The following KAZN variants were observed in gnomAD, a reference collection of about 807,000 sequenced individuals.
The protein encoded by KAZN is kazrin, periplakin interacting protein, also known as kazrin.
Under a neutral mutation model 87.4 loss-of-function variants are expected in KAZN, and 40 were observed. The observed-to-expected ratio is 0.46, with a 90% CI of 0.36 to 0.60. The LOEUF is 0.60. Among genes scored for constraint, KAZN ranks in the 20% least tolerant of loss-of-function variants. KAZN has a pLI of 0.00. For missense variants in KAZN, 898 were observed against 1,073.9 expected (o/e 0.84, Z 2.29); for synonymous variants, 466 against 458.3 (o/e 1.02, Z -0.22).
chr1:14,686,142 C>T (rs1221166116), intron 1 of KAZN, among the ~76,000 whole-genome samples: 1 of 152,196 alleles, frequency 6.6e-6, no homozygotes, highest in Non-Finnish European at 1.5e-5. Flanking sequence ...GATCTCAGCT[C>T]ACTGCAACCT....
At chr1:14,096,727 C>A (rs1045149874) in intron 1 of KAZN, among the ~76,000 whole-genome samples, 19 of 152,190 alleles carry the variant, frequency 1.2e-4, no homozygotes, top group African/African-American at 4.3e-4. Flanking sequence ...TAAGCTGAGA[C>A]TTATGAGCTG....
chr1:14,135,565 C>T lies in KAZN; in HGVS notation c.92-44870C>T, dbSNP rs542213450. On this transcript the variant is annotated intron_variant, in intron 1 of 16. Transcript: ENST00000636203. ...ACTGTGATATCTTTAACAAGTATCT[C>T]GAACGGCAAAGGTTTTTTCTTCAGA... 4.6e-5 allele frequency among the ~76,000 whole-genome samples: 7 copies of T among 152,262 alleles called. No homozygotes were observed. In the South Asian group the frequency reaches 8.3e-4, roughly 18 times the overall value.
At chr1:14,209,235 TAGTACATC>T (rs2100443602) in intron 2 of KAZN, among the ~76,000 whole-genome samples, 1 of 152,304 alleles carries the variant, frequency 6.6e-6, no homozygotes, top group East Asian at 1.9e-4. Context: ...ATTTTTCTAT[TAGTACATC>T]AGCTCCATTC....
intron 1 of KAZN, among the ~76,000 whole-genome samples, chr1:14,857,130 G>A (rs1018588576): frequency 2.7e-4 from 40 of 150,158 alleles, no homozygotes; most frequent in Non-Finnish European, 1.5e-4. Context: ...CGCACAAGGC[G>A]TTTTGCTTCT....
intron 1 of KAZN, among the ~76,000 whole-genome samples, chr1:13,922,297 G>A (rs761484624): frequency 6.6e-5 from 10 of 152,092 alleles, no homozygotes; most frequent in Non-Finnish European, 1.0e-4. Context: ...GAAAGATCAC[G>A]TATGTATTAG....
At chr1:14,089,437 T>C (rs147237323) in intron 1 of KAZN, among the ~76,000 whole-genome samples, 1,582 of 152,242 alleles carry the variant, frequency 0.01, 15 homozygotes, top group Non-Finnish European at 0.017. Flanking sequence ...TTTAGCTTAT[T>C]AGCCATTCAT....
chr1:14,103,837 C>T lies in KAZN; in HGVS notation c.92-76598C>T, dbSNP rs560876456. Among the ~76,000 whole-genome samples the T allele has an allele frequency of 1.2e-4, 19 of 152,206 alleles. No individual in the cohort carries two copies. The South Asian group carries it at 3.5e-3, about 28-fold the overall frequency. On this transcript the variant is annotated intron_variant, in intron 1 of 16. Transcript: ENST00000636203. Reference sequence around the variant, plus strand: ...TGTAAGGTATCATATGCACAGGTTCCGGGGATTAGTACGGAGACATCGTTG... The same window carrying T: ...TGTAAGGTATCATATGCACAGGTTCTGGGGATTAGTACGGAGACATCGTTG...
Position 14,216,435 on chromosome 1 carries a change from T to C in KAZN, c.249+35843T>C, listed in dbSNP as rs551981952. ...AGAGCAGGACCCAAACTGAGCAGTA[T>C]AAAGACAAGGGAAAGAGAAGGTAAA... On this transcript the variant is annotated intron_variant, in intron 2 of 16. Transcript: ENST00000636203. 2.0e-5 allele frequency among the ~76,000 whole-genome samples: 3 copies of C among 152,122 alleles called. No individual in the cohort carries two copies. In the South Asian group the frequency reaches 6.2e-4, roughly 32 times the overall value.
chr1:14,806,842 C>T (rs1389610689), intron 1 of KAZN, among the ~76,000 whole-genome samples: 3 of 152,196 alleles, frequency 2.0e-5, no homozygotes, highest in Admixed American at 1.3e-4. Context: ...GTCTGGGTAA[C>T]ATTTGTACCC....
intron 1 of KAZN, among the ~76,000 whole-genome samples, chr1:14,068,683 C>G (rs1255859397): frequency 6.6e-6 from 1 of 152,180 alleles, no homozygotes; most frequent in Non-Finnish European, 1.5e-5. Context: ...CCCTTGCAAT[C>G]CTGTTATAAA....
intron 2 of KAZN, among the ~76,000 whole-genome samples, chr1:14,478,581 TTCTTCCTTAC>T (rs1170280603): frequency 1.4e-4 from 22 of 152,224 alleles, no homozygotes; most frequent in Non-Finnish European, 2.8e-4. Context: ...AATATTTTCC[TTCTTCCTTAC>T]TCTTCCTTCA....
chr1:15,015,847 T>C (rs1670030592), intron 2 of KAZN, among the ~76,000 whole-genome samples: 1 of 152,154 alleles, frequency 6.6e-6, no homozygotes, highest in African/African-American at 2.4e-5. Flanking sequence ...AGCAAAACCC[T>C]GACCGGCCTA....
At chr1:14,869,545 A>G (rs1651912348) in intron 1 of KAZN, among the ~76,000 whole-genome samples, 1 of 152,206 alleles carries the variant, frequency 6.6e-6, no homozygotes, top group Non-Finnish European at 1.5e-5. Flanking sequence ...GCAGAACAGG[A>G]CAGTAGGGCT....
intron 2 of KAZN, among the ~76,000 whole-genome samples, chr1:14,275,262 T>C (rs1055138435): frequency 2.6e-5 from 4 of 152,176 alleles, no homozygotes; most frequent in South Asian, 4.1e-4. Flanking sequence ...GTCCTCACAA[T>C]GTGGTCTCTG....
chr1:14,147,932 C>T (rs374607474), intron 1 of KAZN, among the ~76,000 whole-genome samples: 124 of 152,148 alleles, frequency 8.1e-4, no homozygotes, highest in African/African-American at 2.9e-3. Flanking sequence ...TCCCTTTAAA[C>T]GTAGGCACCA....
At chr1:13,942,432 C>G (rs988921772) in intron 1 of KAZN, among the ~76,000 whole-genome samples, 2 of 146,554 alleles carry the variant, frequency 1.4e-5, no homozygotes, top group Non-Finnish European at 3.0e-5. Context: ...CCCAGCTACT[C>G]GGGAGGCTGA....
intron 2 of KAZN, among the ~76,000 whole-genome samples, chr1:14,534,555 G>C (rs1486665148): frequency 6.6e-6 from 1 of 152,134 alleles, no homozygotes; most frequent in Non-Finnish European, 1.5e-5. Context: ...TGAGGCAGGA[G>C]AATCACTTGA....
At chr1:14,516,330 G>A (rs1454791345) in intron 2 of KAZN, among the ~76,000 whole-genome samples, 1 of 152,198 alleles carries the variant, frequency 6.6e-6, no homozygotes, top group Non-Finnish European at 1.5e-5. Context: ...ATGATCAACA[G>A]CATCAGCAGC....
At chr1:14,766,491 G>C (rs1644888086) in intron 1 of KAZN, among the ~76,000 whole-genome samples, 1 of 151,616 alleles carries the variant, frequency 6.6e-6, no homozygotes, top group African/African-American at 2.4e-5. Flanking sequence ...GAAGAGAAAA[G>C]AAAGAAAAAT....
Sources: gnomAD v4.1 joint callset for allele counts (sites outside exome capture counted in the v4.1 genomes callset) on GRCh38, gnomAD v4.1.1 for gene constraint, MANE v1.5 for transcripts, NCBI Gene and HGNC (gene_info 2026-07-23, HGNC 2026-07-21) for gene names.